Variants in ARHGEF9 observed in about 807,000 individuals in gnomAD.
The protein encoded by ARHGEF9 is rho guanine nucleotide exchange factor 9.
In ARHGEF9, 2 loss-of-function variants were observed where a neutral mutation model predicts 41.3. The observed-to-expected ratio is 0.05, with a 90% CI of 0.02 to 0.15. The LOEUF (loss-of-function observed/expected upper bound fraction) is 0.15, where lower values mean the gene tolerates loss of function less well. Among genes scored for constraint, ARHGEF9 ranks in the 10% least tolerant of loss-of-function variants. The pLI is 1.00. For missense variants in ARHGEF9, 225 were observed against 424.7 expected, an observed-to-expected ratio of 0.53 and a Z score of 4.13; for synonymous variants, 160 against 154.4, an observed-to-expected ratio of 1.04 and a Z score of -0.27.
At chrX:63,757,878 C>A (rs782102000) in intron 1 of ARHGEF9, among the ~76,000 whole-genome samples, 1 of 112,454 alleles carries the variant, frequency 8.9e-6, no homozygotes, top group East Asian at 2.8e-4. Context: ...ACCAAAAAAA[C>A]TACAACAACA....
At chrX:63,691,438 T>A (rs1249885307) in intron 4 of ARHGEF9, among the ~76,000 whole-genome samples, 1 of 108,054 alleles carries the variant, frequency 9.3e-6, no homozygotes. Context: ...AAGTGAAAGA[T>A]CTCTAAAATA....
At chrX:63,783,419 G>T (rs1219589635) in intron 1 of ARHGEF9, among the ~76,000 whole-genome samples, 5 of 110,640 alleles carry the variant, frequency 4.5e-5, no homozygotes, top group African/African-American at 1.6e-4. Flanking sequence ...ACTACGTCCA[G>T]CTAATTTTGT....
At chrX:63,694,164 C>A (rs1210309942) in intron 4 of ARHGEF9, among the ~76,000 whole-genome samples, 3 of 104,736 alleles carry the variant, frequency 2.9e-5, no homozygotes, top group Non-Finnish European at 5.8e-5. Flanking sequence ...GCCTGGGTAA[C>A]GAAGCAAGAC....
intron 5 of ARHGEF9, among the ~76,000 whole-genome samples, chrX:63,676,910 A>T: frequency 8.9e-6 from 1 of 112,554 alleles, no homozygotes; most frequent in Non-Finnish European, 1.9e-5. Flanking sequence ...TAACACAAAT[A>T]TAGACTATTT....
chrX:63,668,205 C>A (rs1387008035), intron 6 of ARHGEF9, among the ~76,000 whole-genome samples: 1 of 110,496 alleles, frequency 9.1e-6, no homozygotes, highest in African/African-American at 3.3e-5. Flanking sequence ...ACGATCTCGG[C>A]TCACTGCAAA....
intron 2 of ARHGEF9, 43 bp downstream of exon 2, chrX:63,724,489 G>A (rs1556415742): frequency 8.4e-7 from 1 of 1,187,477 alleles, no homozygotes; most frequent in Non-Finnish European, 1.1e-6. Flanking sequence ...CCAGGTACAG[G>A]CAGCCAAGGA....
intron 9 of ARHGEF9, among the ~76,000 whole-genome samples, chrX:63,643,653 TTAAA>T (rs1424026422): frequency 9.0e-6 from 1 of 110,683 alleles, no homozygotes; most frequent in Non-Finnish European, 1.9e-5. Context: ...ACTATACTTA[TTAAA>T]TAAAGATCAT....
At chrX:63,645,873 C>T (rs1483616364) in intron 8 of ARHGEF9, among the ~76,000 whole-genome samples, 3 of 112,078 alleles carry the variant, frequency 2.7e-5, no homozygotes, top group Non-Finnish European at 5.6e-5. Flanking sequence ...TATTTCTCCA[C>T]ATCCTCTCCA....
chrX:63,662,920 C>A (rs1288931136), intron 7 of ARHGEF9, among the ~76,000 whole-genome samples: 1 of 111,933 alleles, frequency 8.9e-6, no homozygotes, highest in Non-Finnish European at 1.9e-5. Context: ...ATAATTCTGT[C>A]AAGATGACCT....
At chrX:63,651,630 T>G (rs1338551434) in intron 8 of ARHGEF9, among the ~76,000 whole-genome samples, 10 of 111,227 alleles carry the variant, frequency 9.0e-5, no homozygotes, top group African/African-American at 3.3e-4. Context: ...TCAGGAAATT[T>G]TATAGTTTGG....
In ARHGEF9 at chrX:63,635,884, C is replaced by T. The variant is rs2047293284; in HGVS notation, c.*2144G>A. The T allele has an allele frequency of 7.2e-6, 1 of 137,963 alleles. No individual in the cohort carries two copies. The allele number at this position is 137,963 out of a possible 1,213,427, so 11.4% of individuals were successfully genotyped here. A position where few individuals can be genotyped will look rare whatever the true frequency, so the allele number is the denominator to read the frequency against. On this transcript the variant is annotated 3_prime_UTR_variant, in exon 10 of 10. Coordinates refer to ENST00000671741, the MANE Select transcript of ARHGEF9 (RefSeq NM_001353921.2). The stretch of plus-strand genomic sequence containing the variant: ...CCTGCATAGCTACCAAAACACTCTG[C>T]CAGACAGGATATTTTAGCCTGGGTG...
rs367958314 is a variant in ARHGEF9, at chrX:63,692,509, A to G, written c.582+4616T>C. Reference sequence around the variant, plus strand: ...AAATGCAAATCAAAATCACAAGGACATATCATCTCACCGCAGTTAGAATGG... The same window carrying G: ...AAATGCAAATCAAAATCACAAGGACGTATCATCTCACCGCAGTTAGAATGG... On this transcript the variant is annotated intron_variant, in intron 4 of 9. Coordinates refer to ENST00000671741, the MANE Select transcript of ARHGEF9 (RefSeq NM_001353921.2). Among the ~76,000 whole-genome samples the G allele has an allele frequency of 1.2e-4, 13 of 112,542 alleles. No homozygotes were observed. The South Asian group carries it at 4.4e-3, about 38-fold the overall frequency.
chrX:63,777,249 G>A (rs1252537117), intron 1 of ARHGEF9, among the ~76,000 whole-genome samples: 2 of 111,531 alleles, frequency 1.8e-5, no homozygotes, highest in Non-Finnish European at 3.8e-5. Flanking sequence ...GTAGAGAAAA[G>A]AGGAGGAAAA....
chrX:63,783,273 A>ATTT (rs782452167), intron 1 of ARHGEF9, among the ~76,000 whole-genome samples: 1 of 96,506 alleles, frequency 1.0e-5, no homozygotes, highest in Non-Finnish European at 2.1e-5. Context: ...TTTTCGGGTA[A>ATTT]TTTTTTTTTT....
At chrX:63,737,864 G>A (rs2054711043) in intron 1 of ARHGEF9, among the ~76,000 whole-genome samples, 1 of 112,120 alleles carries the variant, frequency 8.9e-6, no homozygotes, top group Non-Finnish European at 1.9e-5. Flanking sequence ...CAGAGGCCAG[G>A]AGAAAACCTA....
chrX:63,660,065 C>T (rs1162661289), intron 7 of ARHGEF9, among the ~76,000 whole-genome samples: 5 of 111,990 alleles, frequency 4.5e-5, no homozygotes, highest in East Asian at 5.6e-4. Flanking sequence ...GAATATAAAT[C>T]GTTCTACCAC....
chrX:63,706,789 G>A (rs1465750301), intron 2 of ARHGEF9, among the ~76,000 whole-genome samples: 2 of 112,244 alleles, frequency 1.8e-5, no homozygotes, highest in Non-Finnish European at 3.8e-5. Flanking sequence ...CAGCATTTAT[G>A]CACCTGCAAG....
Position 63,665,907 on chromosome X carries a change from G to A in ARHGEF9, c.1056C>T (p.His352=), listed in dbSNP as rs370689173. 8 of 1,211,072 alleles carry A rather than the reference G, an allele frequency of 6.6e-6. No individual in the cohort carries two copies. Among genetic ancestry groups the A allele is most frequent in the Non-Finnish European group, 8.9e-6 (8 of 895,266 alleles). ...TTACCTTCTTGCAGAGGACCATCTGGTGGTCAAACAGGAAGAAGACCCGCT... is the reference window on the plus strand; with the variant it reads ...TTACCTTCTTGCAGAGGACCATCTGATGGTCAAACAGGAAGAAGACCCGCT... ...NQQRVFFLFD[H]QMVLCKKDLI... The change falls in exon 7 of 10, where the codon CAC becomes CAT. Residue 352 remains histidine (H), a synonymous_variant. Coordinates refer to ENST00000671741, the MANE Select transcript of ARHGEF9 (RefSeq NM_001353921.2).
intron 1 of ARHGEF9, among the ~76,000 whole-genome samples, chrX:63,745,370 C>G (rs1433805505): frequency 1.8e-5 from 2 of 110,913 alleles, no homozygotes; most frequent in African/African-American, 6.6e-5. Context: ...CCCTCATCCC[C>G]ATCCTACTCC....
Sources: allele counts gnomAD v4.1 joint callset (sites outside exome capture counted in the v4.1 genomes callset), GRCh38; gene constraint gnomAD v4.1.1; transcripts MANE v1.5; gene names NCBI Gene and HGNC (gene_info 2026-07-23, HGNC 2026-07-21).